TNNI3K: variants seen among roughly 807,000 people sequenced by gnomAD.
The protein encoded by TNNI3K is serine/threonine-protein kinase TNNI3K.
Under a neutral mutation model 114.5 loss-of-function variants are expected in TNNI3K, and 140 were observed. That is an observed-to-expected ratio of 1.22 (90% CI 1.07 to 1.41). The LOEUF (loss-of-function observed/expected upper bound fraction) is 1.41. TNNI3K is among the 40% of genes most tolerant of loss of function. The probability of loss-of-function intolerance (pLI) is 0.00; values close to 1 mark genes in which losing one functional copy is unlikely to be tolerated. For synonymous variants in TNNI3K, 347 were observed against 347.5 expected (o/e 1.00, Z 0.02); for missense variants, 1,125 against 1,007.6 (o/e 1.12, Z -1.58).
intron 23 of TNNI3K, among the ~76,000 whole-genome samples, chr1:74,536,822 T>A (rs1646666005): frequency 6.6e-6 from 1 of 152,208 alleles, no homozygotes; most frequent in South Asian, 2.1e-4. Context: ...AGCTTGCATT[T>A]ACTTTTGTTG....
chr1:74,395,727 G>A (rs72673300), intron 17 of TNNI3K, among the ~76,000 whole-genome samples: 5,019 of 152,266 alleles, frequency 0.033, 120 homozygotes, highest in Non-Finnish European at 0.053. Flanking sequence ...CCTCCAGTGC[G>A]GGGGCTGAGT....
intron 21 of TNNI3K, among the ~76,000 whole-genome samples, chr1:74,478,224 A>C (rs984615080): frequency 6.6e-6 from 1 of 152,316 alleles, no homozygotes; most frequent in East Asian, 1.9e-4. Flanking sequence ...TTAAAGAAGA[A>C]TCTCTTCTCA....
chr1:74,471,873 T>C (rs532100777), intron 21 of TNNI3K: 1 of 455,602 alleles, frequency 2.2e-6, no homozygotes, highest in South Asian at 5.4e-5. Context: ...TCATGTAATC[T>C]TCAAATTGCT....
intron 23 of TNNI3K, among the ~76,000 whole-genome samples, chr1:74,514,001 C>T (rs370947914): frequency 2.0e-5 from 3 of 152,268 alleles, no homozygotes; most frequent in East Asian, 3.9e-4. Context: ...TTGTACAGTG[C>T]CTGCCTCTCT....
intron 20 of TNNI3K, among the ~76,000 whole-genome samples, chr1:74,454,994 A>G (rs1667172627): frequency 6.6e-6 from 1 of 152,162 alleles, no homozygotes; most frequent in South Asian, 2.1e-4. Flanking sequence ...TATTATCTTT[A>G]GGCCACCACT....
chr1:74,508,236 C>A (rs896029245), intron 23 of TNNI3K, among the ~76,000 whole-genome samples: 2 of 152,144 alleles, frequency 1.3e-5, no homozygotes, highest in Admixed American at 6.5e-5. Flanking sequence ...ATGTAACAAA[C>A]CTGCACCTTG....
chr1:74,505,218 G>C (rs1013010462), intron 23 of TNNI3K, among the ~76,000 whole-genome samples: 2 of 152,216 alleles, frequency 1.3e-5, no homozygotes, highest in African/African-American at 4.8e-5. Context: ...TTTTGAGACT[G>C]CTTCTGCTGT....
At chr1:74,355,003 C>T (rs1212429071) in intron 11 of TNNI3K, among the ~76,000 whole-genome samples, 1 of 152,110 alleles carries the variant, frequency 6.6e-6, no homozygotes, top group African/African-American at 2.4e-5. Context: ...GCCTCATAAG[C>T]AAGCTCTCCA....
intron 17 of TNNI3K, among the ~76,000 whole-genome samples, chr1:74,379,143 A>G (rs1570547428): frequency 6.6e-6 from 1 of 152,152 alleles, no homozygotes; most frequent in South Asian, 2.1e-4. Flanking sequence ...GGAGTGTGGC[A>G]ACATATGTCT....
intron 20 of TNNI3K, among the ~76,000 whole-genome samples, chr1:74,449,865 G>T (rs2100694498): frequency 6.9e-6 from 1 of 144,570 alleles, no homozygotes; most frequent in Non-Finnish European, 1.5e-5. Context: ...AAGTCAACAA[G>T]GATACCCAGG....
At position 74,318,349 on chromosome 1, in the gene TNNI3K, A is replaced by C. The variant is rs181869922; in HGVS notation, c.445-13101A>C. On this transcript the variant is annotated intron_variant, in intron 5 of 24. Transcript: ENST00000326637. ...TAATTCTGGAGGGGATATCTGTAATAAATTCTTTTTAAAAGCCTCAGTGTG... is the reference window on the plus strand; with the variant it reads ...TAATTCTGGAGGGGATATCTGTAATCAATTCTTTTTAAAAGCCTCAGTGTG... Among the ~76,000 whole-genome samples, 155 of 152,330 alleles carry C rather than the reference A, an allele frequency of 1.0e-3. 1 individual carries two copies. Among genetic ancestry groups the C allele is most frequent in the African/African-American group, 3.6e-3 (150 of 41,578 alleles).
chr1:74,541,281 C>A (rs1413025713), intron 24 of TNNI3K, among the ~76,000 whole-genome samples: 1 of 152,052 alleles, frequency 6.6e-6, no homozygotes, highest in African/African-American at 2.4e-5. Flanking sequence ...GCATTAGAAA[C>A]CTTTTAAGAA....
In TNNI3K at chr1:74,367,959, C is replaced by A. The variant is rs923388289; in HGVS notation, c.1316C>A (p.Thr439Lys). 1.0e-5 allele frequency: 16 copies of A among 1,562,726 alleles called. No individual in the cohort carries two copies. Among genetic ancestry groups the A allele is most frequent in the Non-Finnish European group, 1.4e-5 (16 of 1,160,224 alleles). ...PSPLGKIKSMTKEKADILLLR... is the reference protein window; with the variant it reads ...PSPLGKIKSMKKEKADILLLR... ...CCCTTGGGGAAGATTAAAAGCATGA[C>A]AAAAGGTACCTATAATCTGGGACAA... Residue 439 changes from threonine to lysine, a missense_variant, in exon 13 of 25, where the codon ACA becomes AAA. Transcript: ENST00000326637.
chr1:74,409,282 G>A (rs976571696), intron 17 of TNNI3K, among the ~76,000 whole-genome samples: 5 of 151,912 alleles, frequency 3.3e-5, no homozygotes, highest in South Asian at 2.1e-4. Flanking sequence ...CAAACTCCCC[G>A]CTGTTATGAC....
At chr1:74,464,672 T>C in intron 21 of TNNI3K, 2 of 1,597,266 alleles carry the variant, frequency 1.3e-6, no homozygotes, top group East Asian at 4.5e-5. Context: ...GTCTCATCTG[T>C]GTACACAGAA....
At chr1:74,442,825 G>A (rs993704975) in intron 20 of TNNI3K, among the ~76,000 whole-genome samples, 6 of 151,428 alleles carry the variant, frequency 4.0e-5, no homozygotes, top group South Asian at 2.1e-4. Context: ...CTATGGCCAC[G>A]GCACAATCAA....
intron 2 of TNNI3K, among the ~76,000 whole-genome samples, chr1:74,246,625 T>A (rs1300691849): frequency 6.6e-6 from 1 of 152,114 alleles, no homozygotes; most frequent in Non-Finnish European, 1.5e-5. Context: ...AGAGGCCTTG[T>A]GATCCTAAGA....
chr1:74,300,251 C>A (rs45437294), intron 5 of TNNI3K, among the ~76,000 whole-genome samples: 1 of 152,146 alleles, frequency 6.6e-6, no homozygotes, highest in African/African-American at 2.4e-5. Context: ...ATGGACCACA[C>A]GATTTGTTTT....
At chr1:74,399,198 A>G (rs1276096751) in intron 17 of TNNI3K, among the ~76,000 whole-genome samples, 1 of 151,148 alleles carries the variant, frequency 6.6e-6, no homozygotes, top group Non-Finnish European at 1.5e-5. Flanking sequence ...AGCAAAACTA[A>G]AATGCCTTGG....
Sources: gnomAD v4.1 joint callset for allele counts (sites outside exome capture counted in the v4.1 genomes callset) on GRCh38, gnomAD v4.1.1 for gene constraint, MANE v1.5 for transcripts, NCBI Gene and HGNC (gene_info 2026-07-23, HGNC 2026-07-21) for gene names.